The following SLC26A4 variants were observed in gnomAD, a reference collection of about 807,000 sequenced individuals.
The protein encoded by SLC26A4 is pendrin.
In SLC26A4, 93 loss-of-function variants were observed where a neutral mutation model predicts 90.4. That is an observed-to-expected ratio of 1.03 (90% CI 0.87 to 1.22). The LOEUF is 1.22. Ranked by LOEUF, SLC26A4 falls within the 50% of genes most tolerant of loss-of-function variation. SLC26A4 has a pLI of 0.00. For synonymous variants in SLC26A4, 393 were observed against 354.6 expected (o/e 1.11, Z -1.22); for missense variants, 1,127 against 946.2 (o/e 1.19, Z -2.51).
At position 107,663,410 on chromosome 7, in the gene SLC26A4, T is replaced by A. The variant is rs2129309202; in HGVS notation, c.279T>A (p.Ser93Arg). 6.2e-7 allele frequency: 1 copy of A among 1,614,102 alleles called. No homozygotes were observed. Among genetic ancestry groups the A allele is most frequent in the Non-Finnish European group, 8.5e-7 (1 of 1,179,980 alleles). ...WLLSDVISGVSTGLVATLQGM... is the reference protein window; with the variant it reads ...WLLSDVISGVRTGLVATLQGM... Reference sequence around the variant, plus strand: ...TTAGTGACGTCATTTCGGGAGTTAGTACTGGGCTAGTGGCCACGCTGCAAG... The same window carrying A: ...TTAGTGACGTCATTTCGGGAGTTAGAACTGGGCTAGTGGCCACGCTGCAAG... Residue 93 changes from serine (S) to arginine (R), a missense_variant, in exon 3 of 21, where the codon AGT becomes AGA. By Grantham distance (110) the Ser-to-Arg change is moderately radical. Transcript: ENST00000644269.
Position 107,715,545 on chromosome 7 carries a change from T to C in SLC26A4, c.*99T>C. On this transcript the variant is annotated 3_prime_UTR_variant, in exon 21 of 21. Transcript: ENST00000644269. ...GACTCAAAACACTCATTCTTTTTTC[T>C]ATTAAGCCATTGAAAGAGAAGCACT... 1 of 931,478 alleles carries C rather than the reference T, an allele frequency of 1.1e-6. No homozygotes were observed. The highest frequency in any genetic ancestry group is 1.8e-6 in the Non-Finnish European group (1 of 556,282). 57.7% of individuals were successfully genotyped at this position (931,478 alleles called of 1,614,324 possible). A position where few individuals can be genotyped will look rare whatever the true frequency, so the allele number is the denominator to read the frequency against.
intron 5 of SLC26A4, 105 bp from the exon 6 acceptor site, chr7:107,674,840 G>A: frequency 9.4e-7 from 1 of 1,058,572 alleles, no homozygotes; most frequent in Non-Finnish European, 1.5e-6. Context: ...GCTATAGGCA[G>A]GCTACTAGTG....
At chr7:107,663,784 C>T (rs1205727155) in intron 3 of SLC26A4, among the ~76,000 whole-genome samples, 1 of 152,078 alleles carries the variant, frequency 6.6e-6, no homozygotes, top group African/African-American at 2.4e-5. Flanking sequence ...CCCGGGTTCA[C>T]GCCATTCTCC....
chr7:107,661,803 C>T lies in SLC26A4; in HGVS notation c.162C>T (p.Cys54=). 2.0e-6 allele frequency: 3 copies of T among 1,535,968 alleles called. No homozygotes were observed. Among genetic ancestry groups the T allele is most frequent in the Non-Finnish European group, 2.6e-6 (3 of 1,146,260 alleles). ...TGCGGGAGAGCCTGGCCAAGTGCTG[C>T]AGGTAGCGGCCGCGCGGGCCTGCGT... is the stretch of plus-strand genomic sequence containing the variant. ...KTLRESLAKC[C]SCSRKRAFGV... The change falls in exon 2 of 21, where the codon TGC becomes TGT. Residue 54 remains cysteine, a splice_region_variant and synonymous_variant. Transcript: ENST00000644269. The surrounding 1 kb of genome is among the most constrained non-coding windows in gnomAD (Gnocchi z 5.1).
chr7:107,689,168 A>G lies in SLC26A4; in HGVS notation c.1117A>G (p.Thr373Ala), dbSNP rs760870699. Residue 373 changes from threonine (T) to alanine (A), a missense_variant, in exon 9 of 21, where the codon ACC becomes GCC. Physicochemically the swap from Thr to Ala is moderately conservative, Grantham distance 58. Coordinates refer to ENST00000644269, the MANE Select transcript of SLC26A4 (RefSeq NM_000441.2). The stretch of plus-strand genomic sequence containing the variant: ...AGTGTCAGTAGGAAAAGTATATGCC[A>G]CCAAGTATGATTACACCATCGATGG... The part of the protein sequence containing the change: ...IAVSVGKVYA[T>A]KYDYTIDGNQ... The G allele has an allele frequency of 6.2e-7, 1 of 1,613,878 alleles. No homozygotes were observed. Among genetic ancestry groups the G allele is most frequent in the South Asian group, 1.1e-5 (1 of 91,080 alleles).
intron 14 of SLC26A4, among the ~76,000 whole-genome samples, chr7:107,699,205 G>A (rs955119364): frequency 7.2e-5 from 11 of 152,046 alleles, no homozygotes; most frequent in Admixed American, 7.2e-4. Flanking sequence ...CTGACTTCTA[G>A]GCTCCATCTT....
chr7:107,700,064 C>T lies in SLC26A4; in HGVS notation c.1615-19C>T, dbSNP rs746387433. On this transcript the variant is annotated intron_variant, in intron 14 of 20. Coordinates refer to ENST00000644269, the MANE Select transcript of SLC26A4 (RefSeq NM_000441.2). ...AGGCTTGAAATTATTTAATCCCAGACAATTTCTTTTAATGCCAGATTGAAG... is the reference window on the plus strand; with the variant it reads ...AGGCTTGAAATTATTTAATCCCAGATAATTTCTTTTAATGCCAGATTGAAG... 25 of 1,343,718 alleles carry T rather than the reference C, an allele frequency of 1.9e-5. No individual in the cohort carries two copies. The South Asian group carries it at 2.8e-4, about 15-fold the overall frequency. The allele number at this position is 1,343,718 out of a possible 1,614,324, so 83.2% of individuals were successfully genotyped here.
At chr7:107,679,046 G>A (rs1317667156) in intron 6 of SLC26A4, among the ~76,000 whole-genome samples, 1 of 152,170 alleles carries the variant, frequency 6.6e-6, no homozygotes, top group East Asian at 1.9e-4. Context: ...AATATTAGAA[G>A]AAAAAGAAAT....
intron 14 of SLC26A4, among the ~76,000 whole-genome samples, chr7:107,699,594 A>C (rs988432110): frequency 1.3e-4 from 20 of 152,102 alleles, no homozygotes; most frequent in Non-Finnish European, 2.9e-4. Flanking sequence ...GAGACTGTAG[A>C]GGTCCAAGAG....
intron 17 of SLC26A4, among the ~76,000 whole-genome samples, chr7:107,704,080 T>A (rs1439275000): frequency 6.6e-6 from 1 of 152,198 alleles, no homozygotes; most frequent in Non-Finnish European, 1.5e-5. Flanking sequence ...CCACAAATGC[T>A]TATTTAGCAC....
rs1792351394 is a variant in SLC26A4, at chr7:107,716,597, A to AT, written c.*1158dup. 1 of 152,018 alleles carries AT rather than the reference A, an allele frequency of 6.6e-6. No homozygotes were observed. Among genetic ancestry groups the AT allele is most frequent in the Admixed American group, 6.6e-5 (1 of 15,264 alleles). The allele number at this position is 152,018 out of a possible 1,614,324, so 9.4% of individuals were successfully genotyped here. ...GTTTTTATATCTTTTCTTTTTATTT[A>AT]TTTTTTTCCTAAGTGCCAACAATTT... On this transcript the variant is annotated 3_prime_UTR_variant, in exon 21 of 21. Coordinates refer to ENST00000644269, the MANE Select transcript of SLC26A4 (RefSeq NM_000441.2).
At position 107,663,332 on chromosome 7, in the gene SLC26A4, T is replaced by G. The variant is rs773835233; in HGVS notation, c.201T>G (p.Thr67=). ...AGAGAGCCTTTGGTGTGCTAAAGAC[T>G]CTTGTGCCCATCTTGGAGTGGCTCC... The part of the protein sequence containing the change: ...SRKRAFGVLK[T]LVPILEWLPK... Residue 67 remains threonine, a synonymous_variant, in exon 3 of 21, where the codon ACT becomes ACG. Transcript: ENST00000644269. 2 of 1,614,066 alleles carry G rather than the reference T, an allele frequency of 1.2e-6. No individual in the cohort carries two copies. Among genetic ancestry groups the G allele is most frequent in the Admixed American group, 3.3e-5 (2 of 60,006 alleles).
chr7:107,680,142 AT>A (rs1791172726), intron 6 of SLC26A4, among the ~76,000 whole-genome samples: 1 of 119,650 alleles, frequency 8.4e-6, no homozygotes, highest in Non-Finnish European at 1.6e-5. Context: ...ATATAATATA[AT>A]CTTATCTTAT....
At chr7:107,691,512 T>TCTACACACAC (rs1554359054) in intron 10 of SLC26A4, among the ~76,000 whole-genome samples, 9 of 110,520 alleles carry the variant, frequency 8.1e-5, no homozygotes, top group African/African-American at 3.6e-4. Context: ...CAAATATATA[T>TCTACACACAC]ATACACACAC....
At chr7:107,709,173 A>C (rs909675913) in intron 18 of SLC26A4, among the ~76,000 whole-genome samples, 3 of 152,218 alleles carry the variant, frequency 2.0e-5, no homozygotes, top group African/African-American at 7.2e-5. Context: ...CCAGAAGGTT[A>C]TGCCTCCTTG....
chr7:107,699,312 G>A (rs935633523), intron 14 of SLC26A4, among the ~76,000 whole-genome samples: 2 of 152,180 alleles, frequency 1.3e-5, no homozygotes, highest in East Asian at 1.9e-4. Context: ...GACTAGAAAA[G>A]TCTATGATTC....
At chr7:107,686,109 G>A (rs182955751) in intron 8 of SLC26A4, among the ~76,000 whole-genome samples, 37 of 142,462 alleles carry the variant, frequency 2.6e-4, no homozygotes, top group African/African-American at 1.0e-3. Context: ...GTGTGTGTGG[G>A]TGTGTGTGTG....
chr7:107,671,489 G>GT, intron 3 of SLC26A4, among the ~76,000 whole-genome samples: 1 of 152,300 alleles, frequency 6.6e-6, no homozygotes, highest in South Asian at 2.1e-4. Flanking sequence ...TGACTTGATT[G>GT]TTTTTTCCCA....
chr7:107,715,491 A>T lies in SLC26A4; in HGVS notation c.*45A>T, dbSNP rs757469248. The T allele has an allele frequency of 3.3e-5, 48 of 1,461,434 alleles. 1 individual carries two copies. In the South Asian group the frequency reaches 3.6e-4, roughly 11 times the overall value. 90.5% of individuals were successfully genotyped at this position (1,461,434 alleles called of 1,614,324 possible). A position where few individuals can be genotyped will look rare whatever the true frequency, so the allele number is the denominator to read the frequency against. On this transcript the variant is annotated 3_prime_UTR_variant, in exon 21 of 21. Transcript: ENST00000644269. ...CTATGAGCAAGGAATACAAGACAAA[A>T]CTTCCTCAATGCATTGACTATTTCT... is the stretch of plus-strand genomic sequence containing the variant.
Sources: allele counts gnomAD v4.1 joint callset (sites outside exome capture counted in the v4.1 genomes callset), GRCh38; gene constraint gnomAD v4.1.1; non-coding constraint Gnocchi (gnomAD v3.1); transcripts MANE v1.5; gene names NCBI Gene and HGNC (gene_info 2026-07-23, HGNC 2026-07-21).